SLC35A1: variants seen among roughly 807,000 people sequenced by gnomAD.
The protein encoded by SLC35A1 is CMP-sialic acid transporter.
SLC35A1 carries 21 observed loss-of-function variants against 40.3 expected under a neutral mutation model. The observed-to-expected ratio is 0.52, with a 90% CI of 0.37 to 0.75. The LOEUF (loss-of-function observed/expected upper bound fraction) is 0.75. Ranked by LOEUF, SLC35A1 falls within the 30% of genes least tolerant of loss-of-function variation. The pLI is 0.00. For synonymous variants in SLC35A1, 146 were observed against 147.3 expected (o/e 0.99, Z 0.06); for missense variants, 297 against 382.1 (o/e 0.78, Z 1.86).
Position 87,509,052 on chromosome 6 carries a change from G to C in SLC35A1, c.763G>C (p.Val255Leu), listed in dbSNP as rs550275644. 6.2e-7 allele frequency: 1 copy of C among 1,614,066 alleles called. No homozygotes were observed. The highest frequency in any genetic ancestry group is 1.7e-5 in the Admixed American group (1 of 60,022). The change falls in exon 7 of 8, where the codon GTT becomes CTT. Residue 255 changes from valine to leucine, a missense_variant. Physicochemically the swap from Val to Leu is conservative, Grantham distance 32 (BLOSUM62 1). Transcript: ENST00000369552. ...TCTCTGTATACAAGTTCTTGCAAGT[G>C]TTGGTGGCCTCTACACTTCTGTTGT... ...YVWFVIFLAS[V>L]GGLYTSVVVK...
At chr6:87,499,903 G>A (rs551020555) in intron 2 of SLC35A1, among the ~76,000 whole-genome samples, 188 of 152,250 alleles carry the variant, frequency 1.2e-3, no homozygotes, top group African/African-American at 4.5e-3. Flanking sequence ...ATCACTTGAG[G>A]TCAGGAGTTT....
chr6:87,509,708 T>TA (rs1300264275), intron 7 of SLC35A1, among the ~76,000 whole-genome samples: 3 of 152,206 alleles, frequency 2.0e-5, no homozygotes, highest in Non-Finnish European at 4.4e-5. Flanking sequence ...TTTCATTCAA[T>TA]ATGTAATTAA....
At chr6:87,479,158 G>T (rs899848755) in intron 2 of SLC35A1, among the ~76,000 whole-genome samples, 1 of 152,166 alleles carries the variant, frequency 6.6e-6, no homozygotes. Flanking sequence ...CTGATTCTTC[G>T]AAGAGAAATT....
intron 1 of SLC35A1, among the ~76,000 whole-genome samples, chr6:87,477,026 A>G (rs967054676): frequency 6.6e-6 from 1 of 152,098 alleles, no homozygotes; most frequent in Non-Finnish European, 1.5e-5. Flanking sequence ...CTCCAAAAAA[A>G]CCCACCACCA....
chr6:87,484,521 G>C (rs1227626388), intron 2 of SLC35A1, among the ~76,000 whole-genome samples: 1 of 152,126 alleles, frequency 6.6e-6, no homozygotes, highest in Non-Finnish European at 1.5e-5. Flanking sequence ...CTATTGGCTA[G>C]GGTTAGACCG....
At position 87,509,032 on chromosome 6, in the gene SLC35A1, G is replaced by A. The variant is rs777227478; in HGVS notation, c.752-9G>A. 1.2e-6 allele frequency: 2 copies of A among 1,613,768 alleles called. No individual in the cohort carries two copies. Among genetic ancestry groups the A allele is most frequent in the Non-Finnish European group, 1.7e-6 (2 of 1,179,728 alleles). On this transcript the variant is annotated splice_polypyrimidine_tract_variant and intron_variant, in intron 6 of 7. Transcript: ENST00000369552. ...GAGTGATAAGATTTTATTTCTCTCT[G>A]TATACAAGTTCTTGCAAGTGTTGGT...
chr6:87,492,311 A>G (rs1437050247), intron 2 of SLC35A1, among the ~76,000 whole-genome samples: 1 of 151,830 alleles, frequency 6.6e-6, no homozygotes, highest in Non-Finnish European at 1.5e-5. Flanking sequence ...TTTAATTGTC[A>G]TGTCTCTAGT....
chr6:87,501,746 CT>C (rs1366065471), intron 4 of SLC35A1, among the ~76,000 whole-genome samples: 1 of 152,208 alleles, frequency 6.6e-6, no homozygotes, highest in African/African-American at 2.4e-5. Context: ...CATCTTCTCT[CT>C]CAACTGTCAG....
chr6:87,509,951 C>T (rs557815355), intron 7 of SLC35A1, among the ~76,000 whole-genome samples: 1 of 152,014 alleles, frequency 6.6e-6, no homozygotes, highest in African/African-American at 2.4e-5. Context: ...GTAAAAGAGA[C>T]CTGGCTTATA....
intron 2 of SLC35A1, among the ~76,000 whole-genome samples, chr6:87,485,339 A>G (rs1041856878): frequency 3.9e-5 from 6 of 152,244 alleles, no homozygotes; most frequent in Admixed American, 6.5e-5. Flanking sequence ...CTTTCAAATC[A>G]AGGAAGACTT....
chr6:87,496,791 A>AAAAAAAAAAAAAAC (rs10658623), intron 2 of SLC35A1, among the ~76,000 whole-genome samples: 1 of 139,184 alleles, frequency 7.2e-6, no homozygotes, highest in African/African-American at 2.7e-5. Flanking sequence ...AAAAAAAAAA[A>AAAAAAAAAAAAAAC]AAAGAAAAAC....
intron 2 of SLC35A1, among the ~76,000 whole-genome samples, 186 bp from the exon 3 acceptor site, chr6:87,500,322 A>G (rs1166286498): frequency 6.6e-6 from 1 of 152,212 alleles, no homozygotes; most frequent in Non-Finnish European, 1.5e-5. Context: ...AAACAGAACT[A>G]TAATTTTTTA....
chr6:87,475,314 T>C (rs1447782787), intron 1 of SLC35A1, among the ~76,000 whole-genome samples: 1 of 152,266 alleles, frequency 6.6e-6, no homozygotes, highest in East Asian at 1.9e-4. Flanking sequence ...TCATGTAAAC[T>C]GGCGACATAT....
chr6:87,508,882 C>CCGCT (rs1770169589), intron 6 of SLC35A1, among the ~76,000 whole-genome samples, 159 bp from the exon 7 acceptor site: 2 of 151,658 alleles, frequency 1.3e-5, no homozygotes, highest in African/African-American at 4.9e-5. Context: ...ATAGGAACTA[C>CCGCT]CAATTTTAGT....
At chr6:87,481,927 T>C (rs1322007207) in intron 2 of SLC35A1, among the ~76,000 whole-genome samples, 2 of 152,224 alleles carry the variant, frequency 1.3e-5, no homozygotes, top group Non-Finnish European at 2.9e-5. Flanking sequence ...TTTTTTAACC[T>C]TTTAATGTAG....
intron 7 of SLC35A1, among the ~76,000 whole-genome samples, chr6:87,511,174 A>AAGTC (rs1302830265): frequency 1.3e-5 from 2 of 152,152 alleles, no homozygotes; most frequent in East Asian, 3.8e-4. Context: ...ATGTTCTAAA[A>AAGTC]AGTCTGTAAT....
intron 2 of SLC35A1, among the ~76,000 whole-genome samples, chr6:87,487,388 G>T (rs946389047): frequency 9.2e-5 from 14 of 152,160 alleles, no homozygotes; most frequent in Non-Finnish European, 2.9e-5. Context: ...GTAGGACTTC[G>T]TGATGGGTTT....
At chr6:87,480,115 A>G (rs1245966262) in intron 2 of SLC35A1, among the ~76,000 whole-genome samples, 3 of 152,226 alleles carry the variant, frequency 2.0e-5, no homozygotes, top group Non-Finnish European at 4.4e-5. Flanking sequence ...CACCTCTTGG[A>G]AGTGCCTAAC....
intron 2 of SLC35A1, among the ~76,000 whole-genome samples, chr6:87,490,966 T>C (rs1359798740): frequency 6.6e-6 from 1 of 152,232 alleles, no homozygotes; most frequent in East Asian, 1.9e-4. Flanking sequence ...ATTGTTGCTA[T>C]TGAGAATGGC....
Sources: gnomAD v4.1 joint callset for allele counts (sites outside exome capture counted in the v4.1 genomes callset) on GRCh38, gnomAD v4.1.1 for gene constraint, MANE v1.5 for transcripts, NCBI Gene and HGNC (gene_info 2026-07-23, HGNC 2026-07-21) for gene names.